Variants in TRPM6 observed in about 807,000 individuals in gnomAD.
TRPM6 encodes the protein channel kinase 2.
In TRPM6, 111 loss-of-function variants were observed where a neutral mutation model predicts 247.6. The observed-to-expected ratio is 0.45, with a 90% CI of 0.38 to 0.52. The LOEUF (loss-of-function observed/expected upper bound fraction) is 0.52, where lower values mean the gene tolerates loss of function less well. Ranked by LOEUF, TRPM6 falls within the 20% of genes least tolerant of loss-of-function variation. The pLI, the probability that TRPM6 is intolerant of heterozygous loss-of-function variation, is 0.00. For synonymous variants in TRPM6, 892 were observed against 853.8 expected (o/e 1.04, Z -0.78); for missense variants, 2,126 against 2,421.5 (o/e 0.88, Z 2.56).
At chr9:74,763,755 T>C (rs1451332144) in intron 25 of TRPM6, among the ~76,000 whole-genome samples, 1 of 152,248 alleles carries the variant, frequency 6.6e-6, no homozygotes, top group African/African-American at 2.4e-5. Flanking sequence ...TTGTTTTGAA[T>C]ACTTTAACCC....
chr9:74,855,467 CAG>C, intron 3 of TRPM6, 58 bp downstream of exon 3: 3 of 1,122,220 alleles, frequency 2.7e-6, no homozygotes, highest in Non-Finnish European at 4.1e-6. Context: ...GAAACTGTCC[CAG>C]TGAATTTTAA....
intron 1 of TRPM6, among the ~76,000 whole-genome samples, chr9:74,861,655 T>C (rs1433364558): frequency 3.9e-5 from 6 of 152,214 alleles, no homozygotes; most frequent in Admixed American, 3.9e-4. Flanking sequence ...TTGAAAGGAT[T>C]AGATAAAGGT....
intron 28 of TRPM6, among the ~76,000 whole-genome samples, 184 bp from the exon 29 acceptor site, chr9:74,752,552 T>C (rs1044204088): frequency 2.0e-5 from 3 of 152,194 alleles, no homozygotes; most frequent in African/African-American, 7.2e-5. Flanking sequence ...GGTTGAAAAC[T>C]ATATATTCTA....
At chr9:74,730,437 T>C (rs1825483747) in intron 37 of TRPM6, among the ~76,000 whole-genome samples, 1 of 152,234 alleles carries the variant, frequency 6.6e-6, no homozygotes, top group Admixed American at 6.5e-5. Flanking sequence ...TGACCCCTTC[T>C]CCTCATAGGA....
intron 23 of TRPM6, among the ~76,000 whole-genome samples, chr9:74,780,953 G>A (rs1587497829): frequency 3.9e-5 from 6 of 152,040 alleles, no homozygotes; most frequent in Admixed American, 3.9e-4. Flanking sequence ...AAGTATGTTG[G>A]GAAAGAGGGG....
At chr9:74,773,102 G>A (rs144102643) in intron 24 of TRPM6, among the ~76,000 whole-genome samples, 1 of 152,242 alleles carries the variant, frequency 6.6e-6, no homozygotes, top group African/African-American at 2.4e-5. Context: ...ACTCCAGCCT[G>A]GGCAACAGAG....
intron 14 of TRPM6, among the ~76,000 whole-genome samples, chr9:74,805,715 G>A (rs1168374688): frequency 6.6e-6 from 1 of 152,152 alleles, no homozygotes; most frequent in Non-Finnish European, 1.5e-5. Context: ...AGGCATTAGG[G>A]TGGTATAATG....
intron 7 of TRPM6, among the ~76,000 whole-genome samples, chr9:74,824,930 G>A (rs554227142): frequency 1.3e-5 from 2 of 151,978 alleles, no homozygotes; most frequent in South Asian, 4.2e-4. Context: ...GGGTTTGCCA[G>A]AGTCACCAAG....
At chr9:74,746,919 A>C (rs973651332) in intron 31 of TRPM6, among the ~76,000 whole-genome samples, 1 of 152,142 alleles carries the variant, frequency 6.6e-6, no homozygotes, top group African/African-American at 2.4e-5. Flanking sequence ...TAAATGACTT[A>C]AGATTTCCAG....
chr9:74,846,352 C>T (rs944335666), intron 3 of TRPM6, among the ~76,000 whole-genome samples: 2 of 152,048 alleles, frequency 1.3e-5, no homozygotes, highest in African/African-American at 4.8e-5. Context: ...CATATTTCTA[C>T]ATTTATGTAC....
At chr9:74,871,132 G>C (rs1362992241) in intron 1 of TRPM6, among the ~76,000 whole-genome samples, 1 of 152,108 alleles carries the variant, frequency 6.6e-6, no homozygotes, top group Admixed American at 6.6e-5. Context: ...TCTTATCTAA[G>C]TCCTCACTGT....
chr9:74,830,841 CCGGCCT>C (rs1188300208), intron 6 of TRPM6, among the ~76,000 whole-genome samples: 1 of 147,180 alleles, frequency 6.8e-6, no homozygotes, highest in African/African-American at 2.5e-5. Context: ...AAGCAATCCG[CCGGCCT>C]CGGCCTCGGC....
intron 23 of TRPM6, among the ~76,000 whole-genome samples, chr9:74,778,399 G>C (rs550070422): frequency 6.6e-6 from 1 of 152,344 alleles, no homozygotes; most frequent in Admixed American, 6.5e-5. Flanking sequence ...TATTATGTTT[G>C]AGATGTGACT....
chr9:74,826,237 A>T (rs1296997631), intron 7 of TRPM6, among the ~76,000 whole-genome samples: 1 of 152,248 alleles, frequency 6.6e-6, no homozygotes, highest in East Asian at 1.9e-4. Flanking sequence ...TTTTATAATA[A>T]GAAAACAGTT....
At chr9:74,764,465 C>A (rs1476811507) in intron 25 of TRPM6, among the ~76,000 whole-genome samples, 1 of 152,066 alleles carries the variant, frequency 6.6e-6, no homozygotes. Flanking sequence ...ATCTACAAGC[C>A]AAGGAACATC....
At chr9:74,851,761 A>T (rs34416783) in intron 3 of TRPM6, among the ~76,000 whole-genome samples, 78,883 of 142,618 alleles carry the variant, frequency 0.55, 22,745 homozygotes, top group African/African-American at 0.7. Flanking sequence ...AAAAAAAAAA[A>T]AAATATATAT....
intron 28 of TRPM6, among the ~76,000 whole-genome samples, chr9:74,754,946 T>C (rs1382654487): frequency 6.6e-6 from 1 of 152,194 alleles, no homozygotes; most frequent in Non-Finnish European, 1.5e-5. Context: ...ATGTAGACAG[T>C]AGTAAATAAC....
intron 38 of TRPM6, 85 bp from the exon 39 acceptor site, chr9:74,724,831 A>G: frequency 1.3e-6 from 2 of 1,556,762 alleles, no homozygotes; most frequent in Non-Finnish European, 1.8e-6. Context: ...AGGCTTTGCC[A>G]AGTGTTCAGA....
chr9:74,726,025 A>T (rs1220339239), intron 38 of TRPM6, among the ~76,000 whole-genome samples: 3 of 152,248 alleles, frequency 2.0e-5, no homozygotes, highest in Non-Finnish European at 4.4e-5. Flanking sequence ...CATATAAAAA[A>T]ATATGAAGGG....
Sources: allele counts gnomAD v4.1 joint callset (sites outside exome capture counted in the v4.1 genomes callset), GRCh38; gene constraint gnomAD v4.1.1; transcripts MANE v1.5; gene names NCBI Gene and HGNC (gene_info 2026-07-23, HGNC 2026-07-21).